Variants in RAB22A observed in about 807,000 individuals in gnomAD.
The protein encoded by RAB22A is RAB22A, member RAS oncogene family, also known as ras-related protein Rab-22A.
Under a neutral mutation model 30.2 loss-of-function variants are expected in RAB22A, and 13 were observed. The ratio of observed to expected loss-of-function variants is 0.43; its 90% CI spans 0.28 to 0.68. RAB22A has a LOEUF of 0.68. Ranked by LOEUF, RAB22A falls within the 30% of genes least tolerant of loss-of-function variation. The pLI is 0.18. For synonymous variants in RAB22A, 89 were observed against 87.2 expected (o/e 1.02, Z -0.11); for missense variants, 177 against 246.8 (o/e 0.72, Z 1.89).
chr20:58,324,198 GTTC>G (rs1379255056), intron 2 of RAB22A, among the ~76,000 whole-genome samples: 3 of 152,082 alleles, frequency 2.0e-5, no homozygotes, highest in Admixed American at 6.6e-5. Context: ...TGGGCTTCAA[GTTC>G]TTCTTGTATG....
rs942668027 is a variant in RAB22A at position 58,363,640 on chromosome 20, T to C, written c.*3937T>C. 1.3e-5 allele frequency: 2 copies of C among 152,164 alleles called. No individual in the cohort carries two copies. The highest frequency in any genetic ancestry group is 2.1e-4 in the South Asian group (1 of 4,832). The allele number at this position is 152,164 out of a possible 1,614,324, so 9.4% of individuals were successfully genotyped here. On this transcript the variant is annotated 3_prime_UTR_variant, in exon 7 of 7. Coordinates refer to ENST00000244040, the MANE Select transcript of RAB22A (RefSeq NM_020673.3). ...ATTTACATTTGCTTTAAAGGGACAG[T>C]TTTACCGTTCAACTTCAAGAGTTTT...
chr20:58,343,464 C>T (rs533043894), intron 2 of RAB22A, among the ~76,000 whole-genome samples: 1 of 152,032 alleles, frequency 6.6e-6, no homozygotes, highest in African/African-American at 2.4e-5. Flanking sequence ...GCCAAACTAT[C>T]TCTTGATTCT....
chr20:58,336,981 G>A (rs1986766998), intron 2 of RAB22A, among the ~76,000 whole-genome samples: 1 of 152,040 alleles, frequency 6.6e-6, no homozygotes, highest in African/African-American at 2.4e-5. Context: ...TCATGGAATG[G>A]GACCCCCCTG....
At chr20:58,335,644 A>G (rs992181531) in intron 2 of RAB22A, among the ~76,000 whole-genome samples, 6 of 152,254 alleles carry the variant, frequency 3.9e-5, no homozygotes, top group Non-Finnish European at 7.3e-5. Flanking sequence ...TCAAACTTCC[A>G]GGGAGAGGAA....
intron 2 of RAB22A, among the ~76,000 whole-genome samples, chr20:58,315,929 G>A (rs961601896): frequency 3.9e-5 from 6 of 152,126 alleles, no homozygotes; most frequent in Non-Finnish European, 5.9e-5. Flanking sequence ...AACCACGGCA[G>A]AGGAACCCTT....
At chr20:58,357,566 C>T (rs1987152448) in intron 6 of RAB22A, among the ~76,000 whole-genome samples, 1 of 152,102 alleles carries the variant, frequency 6.6e-6, no homozygotes, top group African/African-American at 2.4e-5. Context: ...ATATTCTCCT[C>T]TTATTTCTTT....
rs544374195 is a variant in RAB22A at position 58,362,440 on chromosome 20, T to C, written c.*2737T>C. 1 of 152,206 alleles carries C rather than the reference T, an allele frequency of 6.6e-6. No homozygotes were observed. The highest frequency in any genetic ancestry group is 1.5e-5 in the Non-Finnish European group (1 of 68,040). The allele number at this position is 152,206 out of a possible 1,614,324, so 9.4% of individuals were successfully genotyped here. ...TGAGACATACTCCCATCTATAAACA[T>C]GTTTGGTTTTCTTACGATACAGGGC... On this transcript the variant is annotated 3_prime_UTR_variant, in exon 7 of 7. Coordinates refer to ENST00000244040, the MANE Select transcript of RAB22A (RefSeq NM_020673.3).
rs375071927 is a variant in RAB22A, at chr20:58,343,708, C to G, written c.117-10C>G. On this transcript the variant is annotated splice_polypyrimidine_tract_variant and intron_variant, in intron 2 of 6. Transcript: ENST00000244040. The stretch of plus-strand genomic sequence containing the variant: ...AATTGTATTCTGATCATTTAGGTCT[C>G]TCTTTATAGGGCATCTTTTATGACC... 2.5e-6 allele frequency: 4 copies of G among 1,595,562 alleles called. No individual in the cohort carries two copies. The African/African-American group carries it at 5.4e-5, about 21-fold the overall frequency.
At chr20:58,358,822 G>A (rs575835189) in intron 6 of RAB22A, among the ~76,000 whole-genome samples, 53 of 151,448 alleles carry the variant, frequency 3.5e-4, no homozygotes, top group Non-Finnish European at 7.4e-5. Flanking sequence ...TTGAACCTAG[G>A]AAGCTTAGGT....
chr20:58,338,960 G>T (rs1298265473), intron 2 of RAB22A, among the ~76,000 whole-genome samples: 1 of 152,144 alleles, frequency 6.6e-6, no homozygotes, highest in Non-Finnish European at 1.5e-5. Context: ...GCCATTATGG[G>T]GATGACACCA....
At position 58,320,526 on chromosome 20, in the gene RAB22A, G is replaced by A. The variant is rs150755461; in HGVS notation, c.116+9404G>A. 3.7e-3 allele frequency among the ~76,000 whole-genome samples: 567 copies of A among 151,778 alleles called. 4 individuals are homozygous for A. Among genetic ancestry groups the A allele is most frequent in the African/African-American group, 0.013 (538 of 41,352 alleles). On this transcript the variant is annotated intron_variant, in intron 2 of 6. Coordinates refer to ENST00000244040, the MANE Select transcript of RAB22A (RefSeq NM_020673.3). ...AGCTATAAGTTTATCAATTTTATTC[G>A]TCTTCTCAAAGAACCAGTTTTTGTT...
intron 2 of RAB22A, among the ~76,000 whole-genome samples, chr20:58,323,385 G>A (rs1165416425): frequency 1.3e-5 from 2 of 151,230 alleles, no homozygotes; most frequent in African/African-American, 2.4e-5. Flanking sequence ...TTATTTTTTT[G>A]TGTTCTCTGT....
At chr20:58,319,170 C>T (rs1049946118) in intron 2 of RAB22A, among the ~76,000 whole-genome samples, 4 of 151,894 alleles carry the variant, frequency 2.6e-5, no homozygotes, top group African/African-American at 9.7e-5. Flanking sequence ...TTGACCCTTA[C>T]CTCACAAAGT....
At chr20:58,315,680 C>T (rs568311887) in intron 2 of RAB22A, among the ~76,000 whole-genome samples, 4 of 152,140 alleles carry the variant, frequency 2.6e-5, no homozygotes, top group African/African-American at 7.2e-5. Context: ...GTACTGTCAT[C>T]ATATCCCTCT....
intron 3 of RAB22A, among the ~76,000 whole-genome samples, chr20:58,352,766 G>T (rs1987074253): frequency 6.6e-6 from 1 of 152,198 alleles, no homozygotes; most frequent in South Asian, 2.1e-4. Flanking sequence ...CATGCAAGGA[G>T]ATATCAAAAA....
chr20:58,318,752 A>T (rs905026619), intron 2 of RAB22A, among the ~76,000 whole-genome samples: 1 of 151,990 alleles, frequency 6.6e-6, no homozygotes, highest in African/African-American at 2.4e-5. Flanking sequence ...CCCTCCCTCC[A>T]TCTTTCCATT....
rs777061403 is a variant in RAB22A, at chr20:58,362,986, C to T, written c.*3283C>T. 4 of 152,152 alleles carry T rather than the reference C, an allele frequency of 2.6e-5. No homozygotes were observed. The highest frequency in any genetic ancestry group is 5.9e-5 in the Non-Finnish European group (4 of 68,038). The allele number at this position is 152,152 out of a possible 1,614,324, so 9.4% of individuals were successfully genotyped here. ...ACTTTAATTTCAGAACTTCTCTTTA[C>T]GTCTTGTATGTATTTCTTTTCTGTT... On this transcript the variant is annotated 3_prime_UTR_variant, in exon 7 of 7. Transcript: ENST00000244040.
rs1171150591 is a variant in RAB22A at position 58,309,945 on chromosome 20, G to A, written c.-32G>A. 1.6e-6 allele frequency: 2 copies of A among 1,262,832 alleles called. No individual in the cohort carries two copies. Among genetic ancestry groups the A allele is most frequent in the Non-Finnish European group, 2.0e-6 (2 of 996,330 alleles). The allele number at this position is 1,262,832 out of a possible 1,614,324, so 78.2% of individuals were successfully genotyped here. A position where few individuals can be genotyped will look rare whatever the true frequency, so the allele number is the denominator to read the frequency against. ...GGCCTCTCCCTTCTCAACTTAGGGC[G>A]GCGGCGGGCCCGCGCCCCTGGCTCC... On this transcript the variant is annotated 5_prime_UTR_variant, in exon 1 of 7. Transcript: ENST00000244040.
At chr20:58,343,177 G>T (rs1415599841) in intron 2 of RAB22A, among the ~76,000 whole-genome samples, 1 of 152,070 alleles carries the variant, frequency 6.6e-6, no homozygotes, top group Non-Finnish European at 1.5e-5. Flanking sequence ...TGATGAATCG[G>T]GTCCCCTTGG....
Sources: allele counts gnomAD v4.1 joint callset (sites outside exome capture counted in the v4.1 genomes callset), GRCh38; gene constraint gnomAD v4.1.1; transcripts MANE v1.5; gene names NCBI Gene and HGNC (gene_info 2026-07-23, HGNC 2026-07-21).